Variants in MAGI2 observed in about 807,000 individuals in gnomAD.
The protein encoded by MAGI2 is membrane associated guanylate kinase, WW and PDZ domain containing 2.
In MAGI2, 35 loss-of-function variants were observed where a neutral mutation model predicts 133.3. The observed-to-expected ratio is 0.26, with a 90% CI of 0.20 to 0.35. MAGI2 has a LOEUF of 0.35. MAGI2 is among the 10% of genes least tolerant of loss of function. The pLI is 1.00. For synonymous variants in MAGI2, 729 were observed against 710.6 expected (o/e 1.03, Z -0.41); for missense variants, 1,636 against 1,863.4 (o/e 0.88, Z 2.25).
chr7:79,442,072 A>C (rs1585997105), intron 1 of MAGI2, among the ~76,000 whole-genome samples: 1 of 152,128 alleles, frequency 6.6e-6, no homozygotes, highest in African/African-American at 2.4e-5. Context: ...ACACTGCAAC[A>C]CCAGCACATC....
chr7:78,300,830 C>T (rs1387876037), intron 9 of MAGI2, among the ~76,000 whole-genome samples: 3 of 152,054 alleles, frequency 2.0e-5, no homozygotes, highest in African/African-American at 7.2e-5. Context: ...TCTAAAAGTT[C>T]CTTGGAAAGG....
chr7:78,841,695 T>A (rs572326640), intron 2 of MAGI2, among the ~76,000 whole-genome samples: 55 of 152,142 alleles, frequency 3.6e-4, no homozygotes, highest in Non-Finnish European at 4.3e-4. Flanking sequence ...GAATATGCTC[T>A]CATATTTTCT....
chr7:78,178,951 A>T (rs1009666531), intron 13 of MAGI2, among the ~76,000 whole-genome samples: 127 of 152,362 alleles, frequency 8.3e-4, no homozygotes, highest in African/African-American at 2.9e-3. Flanking sequence ...GCCTTAGAAG[A>T]AACTAAAACT....
At chr7:78,592,490 G>A (rs1584767563) in intron 3 of MAGI2, among the ~76,000 whole-genome samples, 1 of 151,936 alleles carries the variant, frequency 6.6e-6, no homozygotes, top group South Asian at 2.1e-4. Flanking sequence ...GCCCTAAAAG[G>A]GCAGTATTTG....
chr7:79,355,215 T>G (rs1841942547), intron 1 of MAGI2, among the ~76,000 whole-genome samples: 1 of 152,088 alleles, frequency 6.6e-6, no homozygotes, highest in Non-Finnish European at 1.5e-5. Context: ...GTCCTCTGGT[T>G]CCCCAGGCAG....
chr7:78,957,734 T>A (rs1191437944), intron 2 of MAGI2, among the ~76,000 whole-genome samples: 1 of 152,126 alleles, frequency 6.6e-6, no homozygotes, highest in East Asian at 1.9e-4. Flanking sequence ...ACACAGCCAG[T>A]CAATGGTATG....
rs1808055531 is a variant in MAGI2, at chr7:78,019,365, C to T, written c.4318G>A (p.Asp1440Asn). The T allele has an allele frequency of 6.8e-7, 1 of 1,480,302 alleles. No homozygotes were observed. Among genetic ancestry groups the T allele is most frequent in the African/African-American group, 1.5e-5 (1 of 68,416 alleles). 91.7% of individuals were successfully genotyped at this position (1,480,302 alleles called of 1,614,324 possible). ...GGTTTGAGGACGCTGGGCAGCTTGT[C>T]AGAACCCGGCACCTTCCAGGGCCCC... ...APGPWKVPGS[D>N]KLPSVLKPGA... The change falls in exon 22 of 22, where the codon GAC becomes AAC. Residue 1440 changes from aspartate to asparagine, a missense_variant. By Grantham distance (23) the Asp-to-Asn change is conservative. This residue lies in a region of MAGI2 where 354 missense variants were observed against 298.7 expected (regional missense o/e 1.19). Transcript: ENST00000354212.
chr7:79,202,297 C>G (rs2129551989), intron 1 of MAGI2, among the ~76,000 whole-genome samples: 1 of 151,886 alleles, frequency 6.6e-6, no homozygotes, highest in Admixed American at 6.6e-5. Context: ...AAGAGTCACA[C>G]CCAATATGGC....
chr7:78,276,265 G>C (rs1795046889), intron 9 of MAGI2, among the ~76,000 whole-genome samples: 1 of 152,112 alleles, frequency 6.6e-6, no homozygotes, highest in Non-Finnish European at 1.5e-5. Flanking sequence ...AGCTCTGAAA[G>C]GACAGGAAAT....
intron 1 of MAGI2, among the ~76,000 whole-genome samples, chr7:79,060,799 T>C (rs533774736): frequency 3.0e-4 from 46 of 152,104 alleles, no homozygotes; most frequent in Admixed American, 5.9e-4. Context: ...TGTAGCTATT[T>C]TGGGCTTCAT....
chr7:78,423,571 A>G (rs767833368), intron 6 of MAGI2, among the ~76,000 whole-genome samples: 1 of 152,178 alleles, frequency 6.6e-6, no homozygotes, highest in Non-Finnish European at 1.5e-5. Flanking sequence ...GAGGACTCAG[A>G]AGAAGATAGG....
chr7:79,341,877 C>T (rs1204784727), intron 1 of MAGI2, among the ~76,000 whole-genome samples: 1 of 152,158 alleles, frequency 6.6e-6, no homozygotes, highest in African/African-American at 2.4e-5. Context: ...GGGTACCCTA[C>T]ATTATTTTGC....
chr7:78,823,433 A>C (rs1790315332), intron 2 of MAGI2, among the ~76,000 whole-genome samples: 1 of 152,112 alleles, frequency 6.6e-6, no homozygotes, highest in Admixed American at 6.5e-5. Flanking sequence ...AATACAAAAA[A>C]TTAGCTGGGC....
intron 9 of MAGI2, among the ~76,000 whole-genome samples, chr7:78,299,064 C>T (rs541851655): frequency 5.3e-5 from 8 of 152,132 alleles, no homozygotes; most frequent in Admixed American, 1.3e-4. Context: ...GAGATCCACC[C>T]ATCCCGGCCT....
chr7:78,181,350 G>C (rs943830209), intron 13 of MAGI2, among the ~76,000 whole-genome samples: 5 of 152,144 alleles, frequency 3.3e-5, no homozygotes, highest in African/African-American at 1.2e-4. Context: ...GAGTTGCTTT[G>C]CATGTTGTTT....
chr7:78,993,396 A>G (rs754269966), intron 2 of MAGI2, among the ~76,000 whole-genome samples: 3 of 152,122 alleles, frequency 2.0e-5, no homozygotes, highest in Non-Finnish European at 4.4e-5. Flanking sequence ...TGCTGGTACT[A>G]TATGTATATT....
chr7:78,345,125 T>C (rs1367848061), intron 8 of MAGI2, among the ~76,000 whole-genome samples: 2 of 152,196 alleles, frequency 1.3e-5, no homozygotes, highest in South Asian at 2.1e-4. Flanking sequence ...CGCTTACATA[T>C]CACATGTATC....
At chr7:78,501,499 T>TTTCA in intron 5 of MAGI2, 78 bp downstream of exon 5, 26 of 1,208,528 alleles carry the variant, frequency 2.2e-5, no homozygotes, top group East Asian at 7.5e-5. Flanking sequence ...TTTTTTTTTT[T>TTTCA]CCACGTCTAA....
chr7:79,179,023 G>A (rs1372906005), intron 1 of MAGI2, among the ~76,000 whole-genome samples: 2 of 151,814 alleles, frequency 1.3e-5, no homozygotes, highest in Admixed American at 6.6e-5. Flanking sequence ...TGCTAGGTAC[G>A]ATTTTTGTCA....
Sources: allele counts gnomAD v4.1 joint callset (sites outside exome capture counted in the v4.1 genomes callset), GRCh38; gene constraint gnomAD v4.1.1; regional missense constraint gnomAD v4.1.1; transcripts MANE v1.5; gene names NCBI Gene and HGNC (gene_info 2026-07-23, HGNC 2026-07-21).